Variants in CAPN5 observed in about 807,000 individuals in gnomAD.
CAPN5 encodes calpain 5, also known as calpain-5.
CAPN5 carries 54 observed loss-of-function variants against 73.0 expected under a neutral mutation model. The observed-to-expected ratio is 0.74, with a 90% CI of 0.59 to 0.93. CAPN5 has a LOEUF of 0.93. Ranked by LOEUF, CAPN5 falls within the 40% of genes least tolerant of loss-of-function variation. The pLI, the probability that CAPN5 is intolerant of heterozygous loss-of-function variation, is 0.00. For missense variants in CAPN5, 785 were observed against 882.9 expected, an observed-to-expected ratio of 0.89 and a Z score of 1.41; for synonymous variants, 335 against 356.9, an observed-to-expected ratio of 0.94 and a Z score of 0.69.
At chr11:77,103,274 TG>T (rs782567166) in intron 3 of CAPN5, 1 of 1,613,090 alleles carries the variant, frequency 6.2e-7, no homozygotes, top group East Asian at 2.2e-5. Flanking sequence ...TCGTCACCTT[TG>T]GCGAGGGTGT....
chr11:77,083,283 G>C (rs1555034876), intron 1 of CAPN5, among the ~76,000 whole-genome samples: 1 of 152,178 alleles, frequency 6.6e-6, no homozygotes, highest in Admixed American at 6.5e-5. Flanking sequence ...TGCCCTCCCT[G>C]CTGTCCATCT....
intron 12 of CAPN5, 144 bp downstream of exon 12, chr11:77,122,856 G>A (rs1186979310): frequency 1.9e-6 from 2 of 1,035,346 alleles, no homozygotes; most frequent in Non-Finnish European, 1.4e-6. Context: ...GACCCCTGGT[G>A]TGGCTTTGGG....
chr11:77,125,472 G>A lies in CAPN5; in HGVS notation c.*1602G>A, dbSNP rs1950564771. ...CGGGACTCTGCATGACTGGGAGCAA[G>A]TCACTTAAACCTCCTGTGCCTCGAT... On this transcript the variant is annotated 3_prime_UTR_variant, in exon 13 of 13. Coordinates refer to ENST00000648180, the MANE Select transcript of CAPN5 (RefSeq NM_004055.5). 1 of 152,344 alleles carries A rather than the reference G, an allele frequency of 6.6e-6. No individual in the cohort carries two copies. Among genetic ancestry groups the A allele is most frequent in the Non-Finnish European group, 1.5e-5 (1 of 68,030 alleles). 9.4% of individuals were successfully genotyped at this position (152,344 alleles called of 1,614,324 possible). A position where few individuals can be genotyped will look rare whatever the true frequency, so the allele number is the denominator to read the frequency against.
intron 1 of CAPN5, among the ~76,000 whole-genome samples, chr11:77,084,246 T>C (rs1950058084): frequency 6.6e-6 from 1 of 152,184 alleles, no homozygotes. Context: ...TGGGCCCACC[T>C]GGGCCCCTGG....
intron 1 of CAPN5, among the ~76,000 whole-genome samples, chr11:77,084,504 C>T (rs1950060934): frequency 6.6e-6 from 1 of 152,156 alleles, no homozygotes; most frequent in East Asian, 1.9e-4. Flanking sequence ...AGCCAGGGAG[C>T]TGGCAGGGCT....
intron 3 of CAPN5, among the ~76,000 whole-genome samples, chr11:77,094,706 G>A (rs745926666): frequency 3.0e-4 from 45 of 152,204 alleles, no homozygotes; most frequent in Non-Finnish European, 5.3e-4. Context: ...TTTGGAGCTG[G>A]CCTCAGGTTA....
chr11:77,075,350 A>C (rs1949958196), intron 1 of CAPN5, among the ~76,000 whole-genome samples: 1 of 152,154 alleles, frequency 6.6e-6, no homozygotes, highest in African/African-American at 2.4e-5. Context: ...AGGGTGCCAC[A>C]CACCTGTAGG....
chr11:77,115,402 C>T lies in CAPN5; in HGVS notation c.707C>T (p.Thr236Ile). The T allele has an allele frequency of 6.2e-7, 1 of 1,601,236 alleles. No homozygotes were observed. The highest frequency in any genetic ancestry group is 8.5e-7 in the Non-Finnish European group (1 of 1,170,930). The part of the protein sequence containing the change: ...GLISASIKAV[T>I]AADMEARLAC... ...AACTGTGTCCCTCCACAGGCAGTGA[C>T]AGCAGCTGACATGGAGGCCCGCCTG... Residue 236 changes from threonine to isoleucine, a missense_variant, in exon 6 of 13, where the codon ACA (threonine) becomes ATA (isoleucine). Physicochemically the swap from Thr to Ile is moderately conservative, Grantham distance 89. Transcript: ENST00000648180.
At chr11:77,090,731 G>A (rs61899966) in intron 2 of CAPN5, among the ~76,000 whole-genome samples, 141 of 152,156 alleles carry the variant, frequency 9.3e-4, no homozygotes, top group Non-Finnish European at 1.4e-3. Context: ...TGTGGCTGGG[G>A]TCCTCCGTAT....
In CAPN5 at chr11:77,115,396, C is replaced by A; in HGVS notation, c.701C>A (p.Ala234Glu). The A allele has an allele frequency of 6.3e-7, 1 of 1,598,874 alleles. No homozygotes were observed. The highest frequency in any genetic ancestry group is 1.1e-5 in the South Asian group (1 of 90,058). The change falls in exon 6 of 13, where the codon GCA (alanine) becomes GAA (glutamate). Residue 234 changes from alanine to glutamate, a missense_variant and splice_region_variant. By Grantham distance (107) the Ala-to-Glu change is moderately radical (BLOSUM62 -1). Transcript: ENST00000648180. ...CTGAGCAACTGTGTCCCTCCACAGG[C>A]AGTGACAGCAGCTGACATGGAGGCC... ...RGGLISASIK[A>E]VTAADMEARL...
chr11:77,120,734 C>T lies in CAPN5; in HGVS notation c.1312C>T (p.Arg438Cys), dbSNP rs372227864. 2.4e-5 allele frequency: 39 copies of T among 1,611,750 alleles called. No homozygotes were observed. Among genetic ancestry groups the T allele is most frequent in the South Asian group, 3.3e-5 (3 of 90,892 alleles). ...IYKVEENRQYRMHSLQHKAAS... is the reference protein window; with the variant it reads ...IYKVEENRQYCMHSLQHKAAS... ...GCAGGTGGAGGAGAACCGCCAGTAC[C>T]GCATGCACAGCCTGCAGCACAAGGC... is the stretch of plus-strand genomic sequence containing the variant. The change falls in exon 10 of 13, where the codon CGC becomes TGC. Residue 438 changes from arginine to cysteine, a missense_variant. Coordinates refer to ENST00000648180, the MANE Select transcript of CAPN5 (RefSeq NM_004055.5).
At chr11:77,118,103 A>C in intron 7 of CAPN5, 54 bp from the exon 8 acceptor site, 1 of 1,525,504 alleles carries the variant, frequency 6.6e-7, no homozygotes, top group Non-Finnish European at 8.9e-7. Context: ...TGGGGGGCCA[A>C]GAGCCTGGGG....
chr11:77,088,086 G>C, intron 2 of CAPN5: 2 of 1,518,982 alleles, frequency 1.3e-6, no homozygotes, highest in Non-Finnish European at 1.8e-6. Flanking sequence ...GTCACCCTGT[G>C]GGGGCAACAT....
At chr11:77,090,406 C>G (rs1555036294) in intron 2 of CAPN5, among the ~76,000 whole-genome samples, 2 of 152,318 alleles carry the variant, frequency 1.3e-5, no homozygotes, top group East Asian at 3.9e-4. Context: ...GGGCCAGAGC[C>G]CTGATCTGGG....
At chr11:77,099,579 C>T (rs1489115548) in intron 3 of CAPN5, among the ~76,000 whole-genome samples, 1 of 151,604 alleles carries the variant, frequency 6.6e-6, no homozygotes, top group Admixed American at 6.6e-5. Flanking sequence ...ACCAGTCAGG[C>T]GTGGTGGCGC....
chr11:77,121,997 G>A lies in CAPN5; in HGVS notation c.1551G>A (p.Leu517=). ...GCTCCCTCTGTGGCTACCCCCAGCT[G>A]GTGACCCAGGTACATGTCCTGGGAG... is the stretch of plus-strand genomic sequence containing the variant. ...CWSSLCGYPQ[L]VTQVHVLGAA... The change falls in exon 11 of 13, where the codon CTG becomes CTA. Residue 517 remains leucine (L), a synonymous_variant. Transcript: ENST00000648180. 1.3e-6 allele frequency: 2 copies of A among 1,563,154 alleles called. No individual in the cohort carries two copies. The highest frequency in any genetic ancestry group is 1.7e-4 in the Middle Eastern group (1 of 5,994).
chr11:77,071,588 A>G, intron 1 of CAPN5: 5 of 448,490 alleles, frequency 1.1e-5, no homozygotes, highest in South Asian at 4.7e-5. Context: ...CCAGTAGAGC[A>G]GAAAATACCT....
Position 77,084,925 on chromosome 11 carries a change from C to A in CAPN5, c.39C>A (p.Tyr13Ter). ...SCVKPYEDQNYSALRRDCRRR... is the reference protein window; with the variant it reads ...SCVKPYEDQN The stretch of plus-strand genomic sequence containing the variant: ...TGAAGCCCTATGAGGACCAGAACTA[C>A]TCAGCCCTGAGGCGGGACTGCCGGC... The change falls in exon 2 of 13, where the codon TAC becomes TAA. Residue 13 changes from tyrosine (Y) to a stop codon, truncating the protein, a stop_gained. Coordinates refer to ENST00000648180, the MANE Select transcript of CAPN5 (RefSeq NM_004055.5). LOFTEE classifies it high-confidence loss of function. The A allele has an allele frequency of 1.2e-6, 2 of 1,614,122 alleles. No homozygotes were observed. Among genetic ancestry groups the A allele is most frequent in the Non-Finnish European group, 1.7e-6 (2 of 1,180,030 alleles).
intron 3 of CAPN5, among the ~76,000 whole-genome samples, chr11:77,108,566 C>T (rs1258676022): frequency 2.6e-5 from 4 of 152,080 alleles, no homozygotes; most frequent in African/African-American, 7.2e-5. Context: ...CTGTAGACAG[C>T]GAGAGGGTAG....
Sources: allele counts gnomAD v4.1 joint callset (sites outside exome capture counted in the v4.1 genomes callset), GRCh38; gene constraint gnomAD v4.1.1; transcripts MANE v1.5; gene names NCBI Gene and HGNC (gene_info 2026-07-23, HGNC 2026-07-21).